Variants in GRM8 observed in about 807,000 individuals in gnomAD.
The protein encoded by GRM8 is glutamate metabotropic receptor 8, also known as metabotropic glutamate receptor 8.
GRM8 carries 47 observed loss-of-function variants against 87.2 expected under a neutral mutation model. The ratio of observed to expected loss-of-function variants is 0.54; its 90% CI spans 0.43 to 0.69. GRM8 has a LOEUF of 0.69. GRM8 is among the 30% of genes least tolerant of loss of function. The probability of loss-of-function intolerance (pLI) is 0.00; values close to 1 mark genes in which losing one functional copy is unlikely to be tolerated. For synonymous variants in GRM8, 396 were observed against 404.5 expected (o/e 0.98, Z 0.25); for missense variants, 1,019 against 1,139.2 (o/e 0.89, Z 1.52).
intron 3 of GRM8, among the ~76,000 whole-genome samples, chr7:127,068,203 A>G (rs1385219909): frequency 6.6e-6 from 1 of 152,192 alleles, no homozygotes; most frequent in South Asian, 2.1e-4. Context: ...TCTGTGCTCA[A>G]AAGATGTGGG....
intron 3 of GRM8, among the ~76,000 whole-genome samples, chr7:126,914,070 T>C (rs1042562663): frequency 2.0e-5 from 3 of 152,124 alleles, no homozygotes; most frequent in Non-Finnish European, 4.4e-5. Flanking sequence ...TGTGCTACCA[T>C]GCATAGGGAA....
At chr7:126,715,653 G>T (rs1811654706) in intron 7 of GRM8, among the ~76,000 whole-genome samples, 1 of 151,876 alleles carries the variant, frequency 6.6e-6, no homozygotes, top group African/African-American at 2.4e-5. Flanking sequence ...TACATTTATT[G>T]AAAAAAATTC....
chr7:126,817,690 A>G (rs1221096449), intron 6 of GRM8, among the ~76,000 whole-genome samples: 1 of 152,130 alleles, frequency 6.6e-6, no homozygotes, highest in Admixed American at 6.6e-5. Context: ...GTTTTGAGCA[A>G]TTGATTTTCA....
At position 126,676,632 on chromosome 7, in the gene GRM8, C is replaced by T. The variant is rs1262216201; in HGVS notation, c.1358-67134G>A. ...AAAAACATACACTAGGGAAAGGACACTCTATTCAATAAATGGTGCTGGGTA... is the reference window on the plus strand; with the variant it reads ...AAAAACATACACTAGGGAAAGGACATTCTATTCAATAAATGGTGCTGGGTA... On this transcript the variant is annotated intron_variant, in intron 7 of 10. Transcript: ENST00000339582. Among the ~76,000 whole-genome samples the T allele has an allele frequency of 2.0e-5, 3 of 152,282 alleles. No individual in the cohort carries two copies. The South Asian group carries it at 6.2e-4, about 32-fold the overall frequency.
intron 3 of GRM8, among the ~76,000 whole-genome samples, chr7:127,087,607 A>AATGG: frequency 6.6e-6 from 1 of 152,196 alleles, no homozygotes; most frequent in Non-Finnish European, 1.5e-5. Flanking sequence ...GGAAGAGAAA[A>AATGG]ATGGGGAGTT....
chr7:127,160,067 GA>G (rs1793003427), intron 2 of GRM8, among the ~76,000 whole-genome samples: 1 of 152,062 alleles, frequency 6.6e-6, no homozygotes, highest in Admixed American at 6.5e-5. Context: ...AAGAAAACTA[GA>G]AAATGGTATT....
At chr7:126,713,118 A>G (rs1811299896) in intron 7 of GRM8, among the ~76,000 whole-genome samples, 1 of 152,198 alleles carries the variant, frequency 6.6e-6, no homozygotes, top group African/African-American at 2.4e-5. Context: ...AGGATTATAA[A>G]TCATTCTGCT....
chr7:127,112,905 G>C (rs1826464085), intron 2 of GRM8, among the ~76,000 whole-genome samples: 1 of 152,094 alleles, frequency 6.6e-6, no homozygotes, highest in Non-Finnish European at 1.5e-5. Context: ...TCTAATCAAA[G>C]GTCAACATCA....
intron 3 of GRM8, among the ~76,000 whole-genome samples, chr7:127,072,192 C>T (rs1222029572): frequency 6.6e-6 from 1 of 152,184 alleles, no homozygotes; most frequent in Non-Finnish European, 1.5e-5. Context: ...CACCCAACTA[C>T]CCTGTAGTCT....
intron 3 of GRM8, among the ~76,000 whole-genome samples, chr7:127,014,853 T>C (rs560536344): frequency 4.0e-4 from 60 of 150,174 alleles, no homozygotes; most frequent in African/African-American, 1.4e-3. Context: ...TGAAGGAAAG[T>C]CAGTTGACGA....
Position 126,950,331 on chromosome 7 carries a change from G to A in GRM8, c.728-45648C>T, listed in dbSNP as rs1807995806. Among the ~76,000 whole-genome samples, 3 of 152,284 alleles carry A rather than the reference G, an allele frequency of 2.0e-5. 1 individual carries two copies. In the South Asian group the frequency reaches 6.2e-4, roughly 32 times the overall value. On this transcript the variant is annotated intron_variant, in intron 3 of 10. Transcript: ENST00000339582. ...AAATTGAGATGAATGATTCAGGTAT[G>A]TGGAATATAACATTCTGTTTAAATT...
intron 3 of GRM8, among the ~76,000 whole-genome samples, chr7:127,034,277 C>T (rs921534753): frequency 6.6e-6 from 1 of 152,198 alleles, no homozygotes; most frequent in Non-Finnish European, 1.5e-5. Context: ...ATTGGCAATA[C>T]TATTCCCTAT....
At chr7:126,893,029 G>A (rs868750943) in intron 6 of GRM8, among the ~76,000 whole-genome samples, 5 of 152,008 alleles carry the variant, frequency 3.3e-5, no homozygotes, top group Non-Finnish European at 7.4e-5. Flanking sequence ...TTTTAAAATT[G>A]TATAAATGAA....
chr7:126,866,095 C>A (rs1798568132), intron 6 of GRM8, among the ~76,000 whole-genome samples: 1 of 152,212 alleles, frequency 6.6e-6, no homozygotes, highest in Non-Finnish European at 1.5e-5. Context: ...AACTCGTTAT[C>A]TGTCTTTTTT....
intron 3 of GRM8, among the ~76,000 whole-genome samples, chr7:127,029,649 T>C (rs1300819085): frequency 7.5e-6 from 1 of 133,378 alleles, no homozygotes; most frequent in Non-Finnish European, 1.6e-5. Flanking sequence ...GAGACCAGGA[T>C]TGCAACCTCT....
intron 3 of GRM8, among the ~76,000 whole-genome samples, chr7:126,965,834 G>A (rs2131723242): frequency 6.6e-6 from 1 of 152,112 alleles, no homozygotes; most frequent in South Asian, 2.1e-4. Flanking sequence ...ACATAAGTAA[G>A]TGTAATTAGC....
intron 6 of GRM8, among the ~76,000 whole-genome samples, chr7:126,879,241 G>A (rs1237352252): frequency 1.3e-5 from 2 of 151,892 alleles, no homozygotes; most frequent in African/African-American, 4.8e-5. Context: ...TATGTCTAAG[G>A]GAGGGGAAGA....
chr7:126,772,079 G>T (rs1035088248), intron 6 of GRM8, among the ~76,000 whole-genome samples: 4 of 152,030 alleles, frequency 2.6e-5, no homozygotes, highest in Admixed American at 1.3e-4. Context: ...CCACAAAGTA[G>T]ATCATTCATA....
chr7:126,799,229 C>T (rs1006358052), intron 6 of GRM8, among the ~76,000 whole-genome samples: 2 of 152,084 alleles, frequency 1.3e-5, no homozygotes, highest in African/African-American at 4.8e-5. Flanking sequence ...TTGACAAGAT[C>T]CCCATAGGAT....
Sources: gnomAD v4.1 joint callset for allele counts (sites outside exome capture counted in the v4.1 genomes callset) on GRCh38, gnomAD v4.1.1 for gene constraint, MANE v1.5 for transcripts, NCBI Gene and HGNC (gene_info 2026-07-23, HGNC 2026-07-21) for gene names.